KIF16B: variants seen among roughly 807,000 people sequenced by gnomAD.
KIF16B encodes kinesin family member 16B.
A neutral mutation model predicts 156.3 loss-of-function variants in KIF16B; 98 were observed. The observed-to-expected ratio is 0.63, with a 90% CI of 0.53 to 0.74. KIF16B has a LOEUF of 0.74. Ranked by LOEUF, KIF16B falls within the 30% of genes least tolerant of loss-of-function variation. The pLI is 0.00. For synonymous variants in KIF16B, 564 were observed against 583.7 expected, an observed-to-expected ratio of 0.97 and a Z score of 0.49; for missense variants, 1,421 against 1,606.5, an observed-to-expected ratio of 0.88 and a Z score of 1.97.
chr20:16,491,503 T>A (rs1600531496), intron 12 of KIF16B, among the ~76,000 whole-genome samples: 1 of 152,176 alleles, frequency 6.6e-6, no homozygotes, highest in East Asian at 1.9e-4. Context: ...TAAACACATG[T>A]TCTACTGTCA....
At chr20:16,481,350 C>T (rs976722605) in intron 12 of KIF16B, among the ~76,000 whole-genome samples, 1 of 152,130 alleles carries the variant, frequency 6.6e-6, no homozygotes. Flanking sequence ...CGTATGCCAC[C>T]TGTCTGGTTA....
chr20:16,435,341 C>T (rs534440244), intron 12 of KIF16B, among the ~76,000 whole-genome samples: 174 of 152,196 alleles, frequency 1.1e-3, no homozygotes, highest in Non-Finnish European at 1.7e-3. Context: ...AGGTTAAAGA[C>T]ATGGCTCCAC....
chr20:16,569,437 C>T (rs1300063167), intron 1 of KIF16B, among the ~76,000 whole-genome samples: 1 of 152,126 alleles, frequency 6.6e-6, no homozygotes, highest in Non-Finnish European at 1.5e-5. Context: ...GAATCACTTC[C>T]GCATTTGAAA....
At chr20:16,367,806 A>G (rs1252045109) in intron 22 of KIF16B, 8 of 1,612,462 alleles carry the variant, frequency 5.0e-6, no homozygotes, top group Non-Finnish European at 6.8e-6. Context: ...GCATCAGGAC[A>G]CACAGGAGGT....
At chr20:16,551,819 T>G (rs2070677385) in intron 1 of KIF16B, among the ~76,000 whole-genome samples, 1 of 152,132 alleles carries the variant, frequency 6.6e-6, no homozygotes, top group Non-Finnish European at 1.5e-5. Context: ...CCAAACAGTC[T>G]GTGCCCAAGA....
chr20:16,276,259 G>T (rs1424777320), intron 25 of KIF16B, among the ~76,000 whole-genome samples: 1 of 152,020 alleles, frequency 6.6e-6, no homozygotes, highest in Non-Finnish European at 1.5e-5. Context: ...AAGCCTAAAG[G>T]GTATAATAAG....
intron 17 of KIF16B, among the ~76,000 whole-genome samples, chr20:16,402,818 G>C (rs1176847949): frequency 2.0e-5 from 3 of 152,174 alleles, no homozygotes; most frequent in Non-Finnish European, 4.4e-5. Context: ...TCACTGAAAA[G>C]TTCTGAGGAT....
At chr20:16,363,558 G>A (rs2064594363) in intron 22 of KIF16B, among the ~76,000 whole-genome samples, 1 of 152,150 alleles carries the variant, frequency 6.6e-6, no homozygotes, top group South Asian at 2.1e-4. Flanking sequence ...ATGGACGGAG[G>A]GTACTTCCTT....
chr20:16,389,667 T>C (rs1487351127), intron 17 of KIF16B, among the ~76,000 whole-genome samples: 1 of 152,202 alleles, frequency 6.6e-6, no homozygotes, highest in African/African-American at 2.4e-5. Context: ...ATGTTTGAAT[T>C]TGGGTGAAGG....
chr20:16,370,543 A>T, intron 22 of KIF16B, 43 bp downstream of exon 22: 1 of 1,488,654 alleles, frequency 6.7e-7, no homozygotes, highest in Non-Finnish European at 9.0e-7. Flanking sequence ...TGAGCATGCC[A>T]TAATTTAAGG....
At chr20:16,347,198 G>A (rs2180441) in intron 23 of KIF16B, among the ~76,000 whole-genome samples, 62,691 of 152,026 alleles carry the variant, frequency 0.41, 13,140 homozygotes, top group East Asian at 0.61. Flanking sequence ...TTAAAAAGGC[G>A]TTATATTATT....
intron 12 of KIF16B, among the ~76,000 whole-genome samples, chr20:16,465,781 T>A (rs1488651288): frequency 2.0e-5 from 3 of 150,344 alleles, no homozygotes; most frequent in Non-Finnish European, 3.0e-5. Flanking sequence ...AAAAAAAAAA[T>A]TATATGTGGA....
At chr20:16,321,784 A>G (rs1485638042) in intron 24 of KIF16B, among the ~76,000 whole-genome samples, 1 of 152,052 alleles carries the variant, frequency 6.6e-6, no homozygotes, top group Admixed American at 6.6e-5. Context: ...GACAGACACA[A>G]ACAGAAATGC....
intron 25 of KIF16B, among the ~76,000 whole-genome samples, chr20:16,291,511 T>A (rs2063314579): frequency 1.3e-5 from 2 of 152,220 alleles, no homozygotes; most frequent in South Asian, 4.1e-4. Flanking sequence ...TTTTTTTAGC[T>A]GCAATGCTGC....
At chr20:16,424,559 G>A (rs527589064) in intron 15 of KIF16B, among the ~76,000 whole-genome samples, 1 of 152,178 alleles carries the variant, frequency 6.6e-6, no homozygotes, top group Admixed American at 6.5e-5. Flanking sequence ...TAAAGACTAC[G>A]TATAACATAC....
At chr20:16,564,942 C>T (rs1037362824) in intron 1 of KIF16B, among the ~76,000 whole-genome samples, 2 of 152,068 alleles carry the variant, frequency 1.3e-5, no homozygotes, top group East Asian at 1.9e-4. Context: ...CCTGGTCAGG[C>T]GTGACATTCT....
intron 25 of KIF16B, among the ~76,000 whole-genome samples, chr20:16,308,103 T>A (rs541313872): frequency 5.3e-4 from 81 of 151,860 alleles, no homozygotes; most frequent in Middle Eastern, 6.8e-3. Context: ...CAATGTGACA[T>A]CTCATAAATA....
intron 1 of KIF16B, among the ~76,000 whole-genome samples, chr20:16,543,331 C>T (rs189268342): frequency 6.6e-6 from 1 of 152,266 alleles, no homozygotes; most frequent in East Asian, 1.9e-4. Context: ...AACAAAAATC[C>T]AGAACAGACT....
At chr20:16,456,637 G>T (rs981329749) in intron 12 of KIF16B, among the ~76,000 whole-genome samples, 1 of 152,086 alleles carries the variant, frequency 6.6e-6, no homozygotes, top group African/African-American at 2.4e-5. Context: ...TACATAAGTG[G>T]TAAATAGTGT....
Sources: allele counts gnomAD v4.1 joint callset (sites outside exome capture counted in the v4.1 genomes callset), GRCh38; gene constraint gnomAD v4.1.1; transcripts MANE v1.5; gene names NCBI Gene and HGNC (gene_info 2026-07-23, HGNC 2026-07-21).